Variants in DHX32 observed in about 807,000 individuals in gnomAD.
DHX32 encodes putative pre-mRNA-splicing factor ATP-dependent RNA helicase DHX32.
DHX32 carries 51 observed loss-of-function variants against 70.0 expected under a neutral mutation model. The observed-to-expected ratio is 0.73, with a 90% CI of 0.58 to 0.92. DHX32 has a LOEUF of 0.92. Ranked by LOEUF, DHX32 falls within the 40% of genes least tolerant of loss-of-function variation. The pLI, the probability that DHX32 is intolerant of heterozygous loss-of-function variation, is 0.00. For missense variants in DHX32, 762 were observed against 891.8 expected (o/e 0.85, Z 1.85); for synonymous variants, 310 against 315.3 (o/e 0.98, Z 0.18).
chr10:125,891,060 T>C (rs962939860), intron 1 of DHX32, among the ~76,000 whole-genome samples: 29 of 152,228 alleles, frequency 1.9e-4, no homozygotes, highest in African/African-American at 7.0e-4. Context: ...GTCAAAGGTA[T>C]TGTCAGAAGT....
At chr10:125,854,479 G>A in intron 3 of DHX32, 1 of 262,490 alleles carries the variant, frequency 3.8e-6, no homozygotes, top group Non-Finnish European at 7.2e-6. Context: ...TCCCACAACT[G>A]CCATAGTTTT....
chr10:125,839,634 T>G (rs1328239855), intron 8 of DHX32, among the ~76,000 whole-genome samples: 1 of 152,234 alleles, frequency 6.6e-6, no homozygotes, highest in Non-Finnish European at 1.5e-5. Flanking sequence ...TGAAAATATC[T>G]CATATTTTAT....
chr10:125,889,850 C>A (rs1239521871), intron 1 of DHX32, among the ~76,000 whole-genome samples: 4 of 152,300 alleles, frequency 2.6e-5, no homozygotes, highest in Admixed American at 6.5e-5. Context: ...CTCTTAAGGA[C>A]CCCATGAGGG....
intron 2 of DHX32, among the ~76,000 whole-genome samples, chr10:125,862,866 A>C (rs936414548): frequency 6.9e-6 from 1 of 145,496 alleles, no homozygotes; most frequent in Non-Finnish European, 1.5e-5. Flanking sequence ...AAAACAAAGC[A>C]AAAAAAAAAA....
chr10:125,880,874 C>G lies in DHX32; in HGVS notation c.-50G>C. The G allele has an allele frequency of 6.3e-7, 1 of 1,577,308 alleles. No homozygotes were observed. The highest frequency in any genetic ancestry group is 8.6e-7 in the Non-Finnish European group (1 of 1,164,300). ...GCTGACATTCCACAAGCAAGTTTCT[C>G]CTATCAGTAACCCATTGCAAACAGG... On this transcript the variant is annotated 5_prime_UTR_variant, in exon 1 of 11. Coordinates refer to ENST00000284690, the MANE Select transcript of DHX32 (RefSeq NM_018180.3).
rs541046952 is a variant in DHX32 at position 125,891,295 on chromosome 10, A to G, written c.-248+4923T>C. Among the ~76,000 whole-genome samples, 151 of 152,376 alleles carry G rather than the reference A, an allele frequency of 9.9e-4. 1 individual carries two copies. The highest frequency in any genetic ancestry group is 3.5e-3 in the African/African-American group (146 of 41,600). On this transcript the variant is annotated intron_variant, in intron 1 of 2. Coordinates refer to the DHX32 transcript ENST00000415732. ...GAACAGGTTACTGCTGGTCTCCCCA[A>G]GTTAACATACTTTACCTGAGACATA...
At chr10:125,884,987 T>C (rs1210932761), upstream of DHX32, among the ~76,000 whole-genome samples, 1 of 152,076 alleles carries the variant, frequency 6.6e-6, no homozygotes, top group Non-Finnish European at 1.5e-5. Flanking sequence ...CATACTTGGA[T>C]GTATGGGTGT....
Position 125,867,195 on chromosome 10 carries a change from A to G in DHX32, c.283-12T>C. On this transcript the variant is annotated splice_polypyrimidine_tract_variant and intron_variant, in intron 1 of 10. Transcript: ENST00000284690. Reference sequence around the variant, plus strand: ...CACCACTGAGGAACCTGTAGCAGGAAAAAATGAGACAGGATCAGCTTCTGC... The same window carrying G: ...CACCACTGAGGAACCTGTAGCAGGAGAAAATGAGACAGGATCAGCTTCTGC... The G allele has an allele frequency of 1.3e-6, 2 of 1,587,422 alleles. No homozygotes were observed. The highest frequency in any genetic ancestry group is 1.7e-6 in the Non-Finnish European group (2 of 1,163,834).
intron 1 of DHX32, among the ~76,000 whole-genome samples, chr10:125,871,658 A>G (rs1944256219): frequency 6.6e-6 from 1 of 152,238 alleles, no homozygotes; most frequent in Non-Finnish European, 1.5e-5. Context: ...GCTAAGTAAC[A>G]TACTGAGGGT....
intron 6 of DHX32, among the ~76,000 whole-genome samples, chr10:125,845,452 A>G (rs527588093): frequency 4.6e-5 from 7 of 152,324 alleles, no homozygotes; most frequent in East Asian, 1.9e-4. Flanking sequence ...TTAGTCTGCA[A>G]TTATTCCTGG....
intron 1 of DHX32, among the ~76,000 whole-genome samples, chr10:125,867,532 C>G (rs964640009): frequency 3.0e-4 from 45 of 151,986 alleles, no homozygotes; most frequent in Non-Finnish European, 5.6e-4. Flanking sequence ...GTCAGGAGAT[C>G]GAGACCATCC....
chr10:125,842,388 A>G (rs1854905854), intron 6 of DHX32: 2 of 153,910 alleles, frequency 1.3e-5, no homozygotes, highest in South Asian at 4.1e-4. Context: ...AGGCCAGAGA[A>G]AGAGCCATGT....
At chr10:125,848,159 G>C (rs964732237) in intron 6 of DHX32, among the ~76,000 whole-genome samples, 3 of 150,706 alleles carry the variant, frequency 2.0e-5, no homozygotes, top group South Asian at 2.1e-4. Context: ...GAGTCCACAG[G>C]GGGAGAAACT....
chr10:125,855,242 TAAAAG>T (rs1344285194), intron 3 of DHX32, among the ~76,000 whole-genome samples: 1 of 150,222 alleles, frequency 6.7e-6, no homozygotes, highest in Non-Finnish European at 1.5e-5. Context: ...AAAAAGAAAT[TAAAAG>T]GAAAAGAATG....
At chr10:125,841,285 C>T (rs762752501) in intron 7 of DHX32, 1 of 1,614,038 alleles carries the variant, frequency 6.2e-7, no homozygotes, top group South Asian at 1.1e-5. Context: ...GCTTGGAGGT[C>T]CAGACACAAG....
Position 125,867,073 on chromosome 10 carries a change from C to G in DHX32, c.393G>C (p.Ala131=), listed in dbSNP as rs140829022. ...QTVVQLALRV[A]DEMDVNIGHE... is the part of the protein sequence containing the mutation. ...GACCAATGTTAACATCCATTTCATC[C>G]GCCACCCGCAGGGCGAGCTGGACCA... is the stretch of plus-strand genomic sequence containing the variant. Residue 131 remains alanine (A), a synonymous_variant, in exon 2 of 11, where the codon GCG becomes GCC. Transcript: ENST00000284690. The G allele has an allele frequency of 6.2e-7, 1 of 1,614,178 alleles. No individual in the cohort carries two copies. The highest frequency in any genetic ancestry group is 8.5e-7 in the Non-Finnish European group (1 of 1,180,028).
chr10:125,879,015 GTTTTTTTT>G (rs35025096), intron 1 of DHX32, among the ~76,000 whole-genome samples: 2 of 56,680 alleles, frequency 3.5e-5, no homozygotes, highest in Admixed American at 2.5e-4. Flanking sequence ...GCCTTTTCTT[GTTTTTTTT>G]TTTTTTTTTT....
chr10:125,896,327 C>G, exon 1 of DHX32: 1 of 223,018 alleles, frequency 4.5e-6, no homozygotes, highest in Non-Finnish European at 8.7e-6. Context: ...GCGGGGACCG[C>G]GGGTCGGCGA....
chr10:125,861,055 A>G (rs1444826647), intron 2 of DHX32, among the ~76,000 whole-genome samples: 3 of 151,310 alleles, frequency 2.0e-5, no homozygotes, highest in Admixed American at 2.0e-4. Context: ...CCCGGCCCCA[A>G]TCCCATATGT....
Sources: gnomAD v4.1 joint callset for allele counts (sites outside exome capture counted in the v4.1 genomes callset) on GRCh38, gnomAD v4.1.1 for gene constraint, MANE v1.5 for transcripts, NCBI Gene and HGNC (gene_info 2026-07-23, HGNC 2026-07-21) for gene names.